GTF2A2: variants seen among roughly 807,000 people sequenced by gnomAD.
GTF2A2 encodes transcription initiation factor IIA subunit 2.
Under a neutral mutation model 14.3 loss-of-function variants are expected in GTF2A2, and 9 were observed. The observed-to-expected ratio is 0.63, with a 90% confidence interval of 0.38 to 1.10. The LOEUF is 1.10. GTF2A2 is among the 50% of genes least tolerant of loss of function. The pLI is 0.01. For missense variants in GTF2A2, 90 were observed against 124.6 expected (o/e 0.72, Z 1.32); for synonymous variants, 56 against 46.0 (o/e 1.22, Z -0.88).
rs574317971 is a variant in GTF2A2, at chr15:59,650,466, A to C, written c.177+203T>G. On this transcript the variant is annotated intron_variant, in intron 3 of 4. Transcript: ENST00000396060. ...GAAACAATGAAATAAAAATCTAAAA[A>C]CATCTCTGTATCTCACATTAAGTGG... Among the ~76,000 whole-genome samples the C allele has an allele frequency of 4.1e-4, 63 of 152,336 alleles. 2 individuals carry two copies. The Middle Eastern group carries it at 0.01, about 25-fold the overall frequency.
intron 3 of GTF2A2, among the ~76,000 whole-genome samples, chr15:59,643,506 C>CA (rs1376873359): frequency 3.3e-5 from 5 of 151,520 alleles, no homozygotes; most frequent in Non-Finnish European, 7.4e-5. Context: ...CGTGAGCCAC[C>CA]ATGCCCAGGA....
In GTF2A2 at chr15:59,639,051, T is replaced by A. The variant is rs1891287081; in HGVS notation, c.*81A>T. 1.2e-6 allele frequency: 1 copy of A among 838,134 alleles called. No homozygotes were observed. Among genetic ancestry groups the A allele is most frequent in the African/African-American group, 1.7e-5 (1 of 58,788 alleles). The allele number at this position is 838,134 out of a possible 1,614,324, so 51.9% of individuals were successfully genotyped here. On this transcript the variant is annotated 3_prime_UTR_variant, in exon 5 of 5. Coordinates refer to ENST00000396060, the MANE Select transcript of GTF2A2 (RefSeq NM_004492.3). The stretch of plus-strand genomic sequence containing the variant: ...TGTAGTCATTTCTGCAATTCTAGAA[T>A]AAATAAAAAGTCTCTTCTATGCTTC...
intron 4 of GTF2A2, 113 bp downstream of exon 4, chr15:59,642,023 A>T (rs1331806141): frequency 7.3e-6 from 6 of 817,100 alleles, no homozygotes; most frequent in Non-Finnish European, 9.6e-6. Context: ...TTATCTGGGA[A>T]TTGATCATAG....
intron 3 of GTF2A2, among the ~76,000 whole-genome samples, chr15:59,646,289 C>G (rs1203920388): frequency 6.6e-6 from 1 of 152,180 alleles, no homozygotes. Flanking sequence ...CTCCTGACCT[C>G]AAGTGGTCTG....
intron 1 of GTF2A2, 77 bp downstream of exon 1, chr15:59,657,329 C>A (rs1285970684): frequency 3.9e-5 from 6 of 152,608 alleles, no homozygotes; most frequent in African/African-American, 1.2e-4. Flanking sequence ...ACCCCACCAA[C>A]GCACTCCGAC....
intron 4 of GTF2A2, chr15:59,640,180 G>GTGCTGAAGTGTGAGA (rs2141954610): frequency 1.2e-5 from 1 of 84,072 alleles, no homozygotes; most frequent in East Asian, 8.2e-4. Flanking sequence ...GAAGTGTGAG[G>GTGCTGAAGTGTGAGA]GAAAATCCTC....
intron 1 of GTF2A2, chr15:59,652,908 C>A (rs34894301): frequency 0.32 from 48,697 of 151,900 alleles, 8,653 homozygotes; most frequent in East Asian, 0.58. Context: ...AGTGAGCTGG[C>A]TCAGAAAAGC....
chr15:59,640,117 GC>G (rs1162376594), intron 4 of GTF2A2: 1 of 142,644 alleles, frequency 7.0e-6, no homozygotes, highest in African/African-American at 2.5e-5. Flanking sequence ...TACAATTTAA[GC>G]TTTCCTTGAG....
Position 59,657,471 on chromosome 15 carries a change from T to A in GTF2A2, c.-115A>T, listed in dbSNP as rs1891992181. On this transcript the variant is annotated 5_prime_UTR_variant, in exon 1 of 5. Transcript: ENST00000396060. Reference sequence around the variant, plus strand: ...CGCCACGAGCCCGGCAGGAGGTTCCTACTTCTCCGACCACCTCTCCAGCCG... The same window carrying A: ...CGCCACGAGCCCGGCAGGAGGTTCCAACTTCTCCGACCACCTCTCCAGCCG... 2 of 152,562 alleles carry A rather than the reference T, an allele frequency of 1.3e-5. No individual in the cohort carries two copies. The allele number at this position is 152,562 out of a possible 1,614,324, so 9.5% of individuals were successfully genotyped here. A position where few individuals can be genotyped will look rare whatever the true frequency, so the allele number is the denominator to read the frequency against.
chr15:59,643,444 T>C (rs1332170145), intron 3 of GTF2A2, among the ~76,000 whole-genome samples: 1 of 151,770 alleles, frequency 6.6e-6, no homozygotes, highest in African/African-American at 2.4e-5. Flanking sequence ...GTCAAACTTT[T>C]GGCCTCAAGC....
At chr15:59,645,147 G>T (rs1173091153) in intron 3 of GTF2A2, among the ~76,000 whole-genome samples, 1 of 152,168 alleles carries the variant, frequency 6.6e-6, no homozygotes, top group Non-Finnish European at 1.5e-5. Flanking sequence ...CCAAGTTTCT[G>T]ACTTGAATGT....
intron 1 of GTF2A2, among the ~76,000 whole-genome samples, chr15:59,656,428 CTT>C (rs57474581): frequency 6.7e-6 from 1 of 148,766 alleles, no homozygotes. Flanking sequence ...TTATATTTCT[CTT>C]TTTTTTTTTG....
intron 3 of GTF2A2, 117 bp downstream of exon 3, chr15:59,650,552 A>G (rs1381678367): frequency 1.7e-6 from 1 of 582,872 alleles, no homozygotes; most frequent in Non-Finnish European, 3.1e-6. Context: ...CAAGTTCCAA[A>G]AATTGACTAA....
rs529127149 is a variant in GTF2A2, at chr15:59,649,545, TA to T, written c.177+1123del. Reference sequence around the variant, plus strand: ...GGGCAGACTTCTGCATATGGGTATATAAAAAAACACAAACTAATTTTGGCAG... The same window carrying T: ...GGGCAGACTTCTGCATATGGGTATATAAAAAACACAAACTAATTTTGGCAG... On this transcript the variant is annotated intron_variant, in intron 3 of 4. Transcript: ENST00000396060. 4.3e-4 allele frequency among the ~76,000 whole-genome samples: 65 copies of T among 152,246 alleles called. 2 individuals are homozygous for T. In the Middle Eastern group the frequency reaches 0.01, roughly 24 times the overall value.
intron 4 of GTF2A2, 135 bp from the exon 5 acceptor site, chr15:59,639,292 G>GAAGGCAAGGTTAAA (rs1891303019): frequency 6.0e-6 from 4 of 671,516 alleles, no homozygotes; most frequent in Middle Eastern, 2.9e-4. Context: ...GGGAAGAACA[G>GAAGGCAAGGTTAAA]GAGGAAAGGT....
chr15:59,654,933 A>T (rs1370610394), intron 1 of GTF2A2, among the ~76,000 whole-genome samples: 1 of 152,180 alleles, frequency 6.6e-6, no homozygotes, highest in Non-Finnish European at 1.5e-5. Context: ...TTTCAGTGTC[A>T]TGTTGGTGCT....
chr15:59,641,184 T>C (rs1891410353), intron 4 of GTF2A2, among the ~76,000 whole-genome samples: 1 of 30,094 alleles, frequency 3.3e-5, no homozygotes, highest in Non-Finnish European at 1.0e-4. Flanking sequence ...CAAGACTCTT[T>C]TTTTTTTTTT....
chr15:59,648,965 C>A (rs1209705349), intron 3 of GTF2A2, among the ~76,000 whole-genome samples: 1 of 151,852 alleles, frequency 6.6e-6, no homozygotes, highest in Non-Finnish European at 1.5e-5. Flanking sequence ...ACAAAAAAAA[C>A]TATAAAACAA....
intron 1 of GTF2A2, chr15:59,652,903 G>C (rs977578528): frequency 6.6e-6 from 1 of 152,168 alleles, no homozygotes; most frequent in East Asian, 1.9e-4. Flanking sequence ...GTAGAAGTGA[G>C]CTGGCTCAGA....
Sources: allele counts gnomAD v4.1 joint callset (sites outside exome capture counted in the v4.1 genomes callset), GRCh38; gene constraint gnomAD v4.1.1; transcripts MANE v1.5; gene names NCBI Gene and HGNC (gene_info 2026-07-23, HGNC 2026-07-21).